The following AP1G1 variants were observed in gnomAD, a reference collection of about 807,000 sequenced individuals.
AP1G1 encodes the protein adaptor related protein complex 1 subunit gamma 1.
Under a neutral mutation model 108.3 loss-of-function variants are expected in AP1G1, and 7 were observed. The observed-to-expected ratio is 0.06, with a 90% confidence interval of 0.04 to 0.12. AP1G1 has a LOEUF of 0.12. AP1G1 is among the 10% of genes least tolerant of loss of function. AP1G1 has a pLI of 1.00. For missense variants in AP1G1, 756 were observed against 1,010.7 expected (o/e 0.75, Z 3.42); for synonymous variants, 379 against 353.5 (o/e 1.07, Z -0.81).
chr16:71,789,102 G>A (rs918910292), intron 2 of AP1G1, among the ~76,000 whole-genome samples, 177 bp downstream of exon 2: 1 of 152,150 alleles, frequency 6.6e-6, no homozygotes, highest in African/African-American at 2.4e-5. Context: ...AAGGATAATT[G>A]ATAGCAATAT....
intron 21 of AP1G1, 128 bp from the exon 22 acceptor site, chr16:71,734,835 A>G (rs2045513970): frequency 1.4e-6 from 1 of 707,090 alleles, no homozygotes; most frequent in South Asian, 1.8e-5. Flanking sequence ...AGTTTTGCCT[A>G]CTACTTGTTT....
At chr16:71,745,734 C>T in intron 17 of AP1G1, 120 bp from the exon 18 acceptor site, 2 of 832,952 alleles carry the variant, frequency 2.4e-6, no homozygotes, top group East Asian at 2.4e-5. Context: ...CCATCCAACA[C>T]ACACACTAAA....
intron 22 of AP1G1, among the ~76,000 whole-genome samples, chr16:71,734,401 T>C (rs1000723866): frequency 6.6e-6 from 1 of 152,194 alleles, no homozygotes; most frequent in African/African-American, 2.4e-5. Context: ...TTTTTTGAAG[T>C]TGCATTTTAA....
intron 2 of AP1G1, among the ~76,000 whole-genome samples, chr16:71,784,984 TA>T (rs916358989): frequency 6.7e-6 from 1 of 149,858 alleles, no homozygotes; most frequent in Non-Finnish European, 1.5e-5. Flanking sequence ...TAAAAAGTTT[TA>T]AAAAGGTGAA....
chr16:71,758,849 T>C lies in AP1G1; in HGVS notation c.1047A>G (p.Thr349=). ...CCAAATCTTTAAGACAGTCCACAAT[T>C]GTGCTTCTGTGCCTCTGTACTGCAT... ...DHNAVQRHRS[T]IVDCLKDLDV... is the part of the protein sequence containing the mutation. Residue 349 remains threonine (T), a synonymous_variant, in exon 11 of 23, where the codon ACA becomes ACG. Coordinates refer to ENST00000299980, the MANE Select transcript of AP1G1 (RefSeq NM_001128.6). 6.2e-7 allele frequency: 1 copy of C among 1,611,174 alleles called. No individual in the cohort carries two copies. The highest frequency in any genetic ancestry group is 8.5e-7 in the Non-Finnish European group (1 of 1,179,174).
intron 1 of AP1G1, among the ~76,000 whole-genome samples, chr16:71,796,927 T>A (rs1052149330): frequency 1.3e-5 from 2 of 151,714 alleles, no homozygotes; most frequent in African/African-American, 4.9e-5. Context: ...CCCAGCACTC[T>A]GGGAGGCCGA....
At chr16:71,751,324 C>G (rs890070707) in intron 13 of AP1G1, 1 of 150,522 alleles carries the variant, frequency 6.6e-6, no homozygotes, top group Non-Finnish European at 1.5e-5. Flanking sequence ...TCACTACCAA[C>G]AATAATAATA....
intron 6 of AP1G1, chr16:71,766,341 C>T (rs2031311856): frequency 5.2e-6 from 2 of 381,380 alleles, no homozygotes; most frequent in South Asian, 2.0e-5. Context: ...TCAGGAATTT[C>T]CTTCCTATCC....
At chr16:71,779,811 T>C (rs2031936079) in intron 2 of AP1G1, among the ~76,000 whole-genome samples, 1 of 152,062 alleles carries the variant, frequency 6.6e-6, no homozygotes. Context: ...TGTTAGCTTT[T>C]AGAACAGTTT....
intron 1 of AP1G1, among the ~76,000 whole-genome samples, chr16:71,799,593 T>G (rs1351177997): frequency 1.3e-5 from 2 of 151,670 alleles, no homozygotes; most frequent in Non-Finnish European, 2.9e-5. Flanking sequence ...TACAGCTATA[T>G]CTCATCTCTT....
chr16:71,734,690 G>T lies in AP1G1; in HGVS notation c.2286C>A (p.Leu762=). The T allele has an allele frequency of 6.2e-7, 1 of 1,613,844 alleles. No homozygotes were observed. The highest frequency in any genetic ancestry group is 8.5e-7 in the Non-Finnish European group (1 of 1,179,756). ...AAVPKTFQLQ[L]LSPSSSIVPA... is the part of the protein sequence containing the mutation. ...GGACAATGCTGCTGCTAGGAGACAA[G>T]AGCTGCAGCTGGAATGTCTAGGGGG... Residue 762 remains leucine (L), a synonymous_variant, in exon 22 of 23, where the codon CTC becomes CTA. Transcript: ENST00000299980.
chr16:71,765,269 G>A (rs1376919306), intron 7 of AP1G1, among the ~76,000 whole-genome samples: 2 of 152,236 alleles, frequency 1.3e-5, no homozygotes, highest in African/African-American at 4.8e-5. Flanking sequence ...CGAGGCTGCA[G>A]TGAGGCAAGA....
intron 9 of AP1G1, among the ~76,000 whole-genome samples, chr16:71,763,017 T>C (rs2031162369): frequency 6.6e-6 from 1 of 152,150 alleles, no homozygotes; most frequent in Admixed American, 6.6e-5. Context: ...GATACCCAGC[T>C]GGTATTCACC....
chr16:71,749,287 G>A (rs551703225), intron 15 of AP1G1, among the ~76,000 whole-genome samples: 1 of 151,934 alleles, frequency 6.6e-6, no homozygotes, highest in South Asian at 2.1e-4. Context: ...TTCAAGACCA[G>A]CCTGGGCAAC....
chr16:71,765,613 C>T lies in AP1G1; in HGVS notation c.643-29G>A. 4 of 1,537,888 alleles carry T rather than the reference C, an allele frequency of 2.6e-6. No individual in the cohort carries two copies. The Middle Eastern group carries it at 6.8e-4, about 261-fold the overall frequency. ...CAGAGAAGAAAGATGCATCAAAAAACAGTGAATATTGAAGAATGTCTCATG... is the reference window on the plus strand; with the variant it reads ...CAGAGAAGAAAGATGCATCAAAAAATAGTGAATATTGAAGAATGTCTCATG... On this transcript the variant is annotated intron_variant, in intron 6 of 22. Transcript: ENST00000299980.
At position 71,732,048 on chromosome 16, in the gene AP1G1, G is replaced by A. The variant is rs1431650589; in HGVS notation, c.*1010C>T. ...TGACTCCAATACTCACTCTTCCTAA[G>A]GGCAAAGGTACTTTTGATACAGAGT... On this transcript the variant is annotated 3_prime_UTR_variant, in exon 23 of 23. Transcript: ENST00000299980. 1 of 152,440 alleles carries A rather than the reference G, an allele frequency of 6.6e-6. No homozygotes were observed. The highest frequency in any genetic ancestry group is 1.5e-5 in the Non-Finnish European group (1 of 68,038). 9.4% of individuals were successfully genotyped at this position (152,440 alleles called of 1,614,324 possible).
chr16:71,774,564 T>G lies in AP1G1; in HGVS notation c.230A>C (p.Gln77Pro). Residue 77 changes from glutamine (Q) to proline (P), a missense_variant, in exon 3 of 23, where the codon CAA becomes CCA. Physicochemically the swap from Gln to Pro is moderately conservative, Grantham distance 76 (BLOSUM62 -1). This residue lies in a region of AP1G1 where 304 missense variants were observed against 483.6 expected (regional missense o/e 0.63). Transcript: ENST00000299980. ...GCCAATGCGTTTGTCTGTAAATTTT[T>G]GAGAGGCAATAAGCTTGAGGCACTC... ...QLECLKLIAS[Q>P]KFTDKRIGYL... is the part of the protein sequence containing the mutation. 1 of 1,593,906 alleles carries G rather than the reference T, an allele frequency of 6.3e-7. No individual in the cohort carries two copies. The highest frequency in any genetic ancestry group is 8.5e-7 in the Non-Finnish European group (1 of 1,174,554).
intron 21 of AP1G1, among the ~76,000 whole-genome samples, chr16:71,736,541 C>T (rs529409145): frequency 0.011 from 1,649 of 144,348 alleles, 30 homozygotes; most frequent in African/African-American, 0.04. Context: ...CCACCACGCC[C>T]GGCTAATTTA....
At chr16:71,780,544 C>A (rs2031975989) in intron 2 of AP1G1, among the ~76,000 whole-genome samples, 1 of 150,928 alleles carries the variant, frequency 6.6e-6, no homozygotes, top group Admixed American at 6.6e-5. Flanking sequence ...TGAACAATCA[C>A]CTTAATGAAA....
Sources: gnomAD v4.1 joint callset for allele counts (sites outside exome capture counted in the v4.1 genomes callset) on GRCh38, gnomAD v4.1.1 for gene constraint, gnomAD v4.1.1 regional missense constraint, MANE v1.5 for transcripts, NCBI Gene and HGNC (gene_info 2026-07-23, HGNC 2026-07-21) for gene names.